Variants in ATP12A observed in about 807,000 individuals in gnomAD.
The protein encoded by ATP12A is ATPase H+/K+ transporting non-gastric alpha2 subunit.
Under a neutral mutation model 111.2 loss-of-function variants are expected in ATP12A, and 81 were observed. That is an observed-to-expected ratio of 0.73 (90% CI 0.61 to 0.88). The LOEUF (loss-of-function observed/expected upper bound fraction) is 0.88. ATP12A is among the 40% of genes least tolerant of loss of function. ATP12A has a pLI of 0.00. For synonymous variants in ATP12A, 498 were observed against 499.8 expected (o/e 1.00, Z 0.05); for missense variants, 1,196 against 1,313.1 (o/e 0.91, Z 1.38).
Position 24,696,688 on chromosome 13 carries a change from C to T in ATP12A, c.1513-1970C>T, listed in dbSNP as rs1024225853. 1.8e-4 allele frequency among the ~76,000 whole-genome samples: 11 copies of T among 60,828 alleles called. 1 individual carries two copies. Among genetic ancestry groups the T allele is most frequent in the African/African-American group, 5.1e-4 (9 of 17,636 alleles). 39.9% of individuals were successfully genotyped at this position (60,828 alleles called of 152,430 possible). On this transcript the variant is annotated intron_variant, in intron 11 of 22. Transcript: ENST00000381946. ...GATTGCGCCACTGCAGTCCGCAGTC[C>T]GGCCTGGGCGACAGAGCGAGACTCC... is the stretch of plus-strand genomic sequence containing the variant.
Position 24,709,463 on chromosome 13 carries a change from G to C in ATP12A, c.2593G>C (p.Ala865Pro). The change falls in exon 18 of 23, where the codon GCT (alanine) becomes CCT (proline). Residue 865 changes from alanine (A) to proline (P), a missense_variant. Ala to Pro is a conservative substitution (Grantham distance 27, BLOSUM62 -1). Around this residue, in one of 3 missense-constraint regions of ATP12A, gnomAD observed 1,126 missense variants for 1,228.5 expected, o/e 0.92. Transcript: ENST00000381946. Reference sequence around the variant, plus strand: ...GGACAGGCTGGTGAACCAGCCGCTCGCTGTGTACTCATACCTGCACATTGG... The same window carrying C: ...GGACAGGCTGGTGAACCAGCCGCTCCCTGTGTACTCATACCTGCACATTGG... Reference protein sequence around the residue: ...NKDRLVNQPLAVYSYLHIGLM... With the variant: ...NKDRLVNQPLPVYSYLHIGLM... The C allele has an allele frequency of 6.2e-7, 1 of 1,614,036 alleles. No homozygotes were observed. Among genetic ancestry groups the C allele is most frequent in the Non-Finnish European group, 8.5e-7 (1 of 1,180,020 alleles).
At chr13:24,709,606 G>A (rs7318859) in intron 18 of ATP12A, 77 bp from the exon 19 acceptor site, 570,348 of 1,592,762 alleles carry the variant, frequency 0.36, 107,017 homozygotes, top group Non-Finnish European at 0.39. Context: ...GAGGGAGGGG[G>A]AACCGAGAGT....
chr13:24,687,721 G>A (rs1874721138), intron 3 of ATP12A, among the ~76,000 whole-genome samples: 1 of 152,190 alleles, frequency 6.6e-6, no homozygotes, highest in South Asian at 2.1e-4. Flanking sequence ...TAGAAAGGTG[G>A]AAAAGGAGCA....
At chr13:24,698,127 G>A (rs1232418280) in intron 11 of ATP12A, among the ~76,000 whole-genome samples, 1 of 151,922 alleles carries the variant, frequency 6.6e-6, no homozygotes, top group African/African-American at 2.4e-5. Context: ...CCTGTGACTC[G>A]GCTGTCTTCC....
chr13:24,702,957 G>C lies in ATP12A; in HGVS notation c.2018+886G>C, dbSNP rs1875460252. Among the ~76,000 whole-genome samples the C allele has an allele frequency of 2.0e-5, 3 of 152,186 alleles. No homozygotes were observed. In the South Asian group the frequency reaches 6.2e-4, roughly 32 times the overall value. On this transcript the variant is annotated intron_variant, in intron 14 of 22. Coordinates refer to ENST00000381946, the MANE Select transcript of ATP12A (RefSeq NM_001676.7). ...CTGGGTTATGTTTTCACGCATGCGG[G>C]AGATGAGGGAAAGACCAATGCACCT...
chr13:24,681,763 TC>T, intron 2 of ATP12A, 43 bp downstream of exon 2: 1 of 1,611,464 alleles, frequency 6.2e-7, no homozygotes, highest in Non-Finnish European at 8.5e-7. Flanking sequence ...CTATGGCCCT[TC>T]CCCGCAAGAG....
At chr13:24,708,040 T>C (rs1875747822) in intron 17 of ATP12A, among the ~76,000 whole-genome samples, 1 of 152,104 alleles carries the variant, frequency 6.6e-6, no homozygotes, top group Non-Finnish European at 1.5e-5. Context: ...TTCCCTTTTC[T>C]TTTGGGAAGA....
chr13:24,690,222 T>G, intron 5 of ATP12A, 116 bp from the exon 6 acceptor site: 1 of 1,481,608 alleles, frequency 6.7e-7, no homozygotes. Context: ...GACTCAACAG[T>G]GAGAGTGATC....
intron 8 of ATP12A, among the ~76,000 whole-genome samples, chr13:24,691,476 T>A (rs1396186025): frequency 1.3e-5 from 2 of 152,230 alleles, no homozygotes. Flanking sequence ...ATGCTTTCAA[T>A]CTGCAATTCA....
intron 14 of ATP12A, among the ~76,000 whole-genome samples, chr13:24,705,007 T>C (rs1050061804): frequency 6.6e-6 from 1 of 151,678 alleles, no homozygotes; most frequent in African/African-American, 2.4e-5. Context: ...TCTTTTGTTT[T>C]GTTTTGTTTT....
Position 24,707,377 on chromosome 13 carries a change from C to T in ATP12A, c.2437C>T (p.Leu813Phe). 6.2e-7 allele frequency: 1 copy of T among 1,614,232 alleles called. No homozygotes were observed. The highest frequency in any genetic ancestry group is 8.5e-7 in the Non-Finnish European group (1 of 1,180,042). The change falls in exon 17 of 23, where the codon CTC becomes TTC. Residue 813 changes from leucine (L) to phenylalanine (F), a missense_variant. By Grantham distance (22) the Leu-to-Phe change is conservative. Around this residue, in one of 3 missense-constraint regions of ATP12A, gnomAD observed 1,126 missense variants for 1,228.5 expected, o/e 0.92. Transcript: ENST00000381946. Reference sequence around the variant, plus strand: ...CTTTCTGATCTACATCATTGTCGGGCTCCCCCTGCCCATTGGCACCATCAC... The same window carrying T: ...CTTTCTGATCTACATCATTGTCGGGTTCCCCCTGCCCATTGGCACCATCAC... ...CPFLIYIIVG[L>F]PLPIGTITIL...
At chr13:24,702,968 A>C (rs1456758055) in intron 14 of ATP12A, among the ~76,000 whole-genome samples, 4 of 152,206 alleles carry the variant, frequency 2.6e-5, no homozygotes, top group Non-Finnish European at 4.4e-5. Flanking sequence ...AGATGAGGGA[A>C]AGACCAATGC....
At position 24,691,072 on chromosome 13, in the gene ATP12A, C is replaced by T. The variant is rs1386713322; in HGVS notation, c.890C>T (p.Thr297Met). 2.2e-5 allele frequency: 36 copies of T among 1,614,114 alleles called. No individual in the cohort carries two copies. The highest frequency in any genetic ancestry group is 1.4e-4 in the South Asian group (13 of 91,090). The change falls in exon 8 of 23, where the codon ACG (threonine) becomes ATG (methionine). Residue 297 changes from threonine (T) to methionine (M), a missense_variant. Physicochemically the swap from Thr to Met is moderately conservative, Grantham distance 81. Transcript: ENST00000381946. ...GCCTCAGGAGTTGGAAATGAGAAGA[C>T]GCCCATTGCCATTGAGATCGAGCAC... is the stretch of plus-strand genomic sequence containing the variant. Reference protein sequence around the residue: ...SLASGVGNEKTPIAIEIEHFV... With the variant: ...SLASGVGNEKMPIAIEIEHFV...
chr13:24,682,523 C>T (rs1427959350), intron 2 of ATP12A, among the ~76,000 whole-genome samples: 1 of 152,126 alleles, frequency 6.6e-6, no homozygotes, highest in Non-Finnish European at 1.5e-5. Context: ...GCCTCTGATT[C>T]CAGGCCCCAC....
chr13:24,699,742 C>T (rs1038222995), intron 12 of ATP12A, among the ~76,000 whole-genome samples: 6 of 152,182 alleles, frequency 3.9e-5, no homozygotes, highest in Non-Finnish European at 1.5e-5. Flanking sequence ...GACAGTGTGT[C>T]CTGTTGTCAG....
chr13:24,701,501 CAAAAAA>C (rs10586421), intron 13 of ATP12A, among the ~76,000 whole-genome samples: 1 of 101,396 alleles, frequency 9.9e-6, no homozygotes, highest in Non-Finnish European at 2.0e-5. Flanking sequence ...AACTCTGTCT[CAAAAAA>C]AAAAAAAAAA....
rs34227271 is a variant in ATP12A at position 24,695,600 on chromosome 13, C to CT, written c.1512+1046dup. Among the ~76,000 whole-genome samples, 846 of 88,276 alleles carry CT rather than the reference C, an allele frequency of 9.6e-3. 11 individuals are homozygous for CT. The highest frequency in any genetic ancestry group is 0.011 in the African/African-American group (237 of 20,830). 57.9% of individuals were successfully genotyped at this position (88,276 alleles called of 152,430 possible). On this transcript the variant is annotated intron_variant, in intron 11 of 22. Coordinates refer to ENST00000381946, the MANE Select transcript of ATP12A (RefSeq NM_001676.7). ...TGGAATTTAGGGTTAGGGAAGAACT[C>CT]TTTTTTTTTTTTTTTTTTTTTTTTG...
rs1875974515 is a variant in ATP12A at position 24,711,580 on chromosome 13, T to G, written c.*58T>G. The G allele has an allele frequency of 6.8e-6, 11 of 1,608,784 alleles. No individual in the cohort carries two copies. The highest frequency in any genetic ancestry group is 6.7e-5 in the Admixed American group (4 of 59,988). ...CGTTGGGGCACACTTGTTCATCTTC[T>G]GACCGTTTGCTGGGCTATTCCCCTG... is the stretch of plus-strand genomic sequence containing the variant. On this transcript the variant is annotated 3_prime_UTR_variant, in exon 23 of 23. Transcript: ENST00000381946.
At position 24,690,730 on chromosome 13, in the gene ATP12A, C is replaced by A; in HGVS notation, c.799+9C>A. 1 of 1,607,442 alleles carries A rather than the reference C, an allele frequency of 6.2e-7. No individual in the cohort carries two copies. Among genetic ancestry groups the A allele is most frequent in the South Asian group, 1.1e-5 (1 of 90,372 alleles). On this transcript the variant is annotated intron_variant, in intron 7 of 22. Transcript: ENST00000381946. ...CACAACGTGTCTGGAAGGTAAAAGG[C>A]CTCTGGCTCTCAGCCCACATGTCCA...
Sources: allele counts gnomAD v4.1 joint callset (sites outside exome capture counted in the v4.1 genomes callset), GRCh38; gene constraint gnomAD v4.1.1; regional missense constraint gnomAD v4.1.1; transcripts MANE v1.5; gene names NCBI Gene and HGNC (gene_info 2026-07-23, HGNC 2026-07-21).